CSMD1: variants seen among roughly 807,000 people sequenced by gnomAD.
The protein encoded by CSMD1 is CUB and sushi domain-containing protein 1.
Under a neutral mutation model 417.5 loss-of-function variants are expected in CSMD1, and 213 were observed. The ratio of observed to expected loss-of-function variants is 0.51; its 90% CI spans 0.46 to 0.57. The LOEUF (loss-of-function observed/expected upper bound fraction) is 0.57. CSMD1 is among the 20% of genes least tolerant of loss of function. CSMD1 has a pLI of 0.00. For missense variants in CSMD1, 6,923 were observed against 4,529.7 expected (o/e 1.53, Z -15.17); for synonymous variants, 2,862 against 1,736.8 (o/e 1.65, Z -16.11).
chr8:3,358,861 G>A (rs71521849), intron 21 of CSMD1, among the ~76,000 whole-genome samples: 41,525 of 150,128 alleles, frequency 0.28, 5,923 homozygotes, highest in African/African-American at 0.37. Context: ...CTCTCTCTCC[G>A]TATATATATA....
intron 6 of CSMD1, among the ~76,000 whole-genome samples, chr8:3,726,981 C>T (rs1414921398): frequency 6.6e-6 from 1 of 152,118 alleles, no homozygotes; most frequent in East Asian, 1.9e-4. Flanking sequence ...ATACATACCA[C>T]CAGTAAACAC....
At chr8:4,251,892 G>C (rs1372692517) in intron 3 of CSMD1, among the ~76,000 whole-genome samples, 1 of 149,922 alleles carries the variant, frequency 6.7e-6, no homozygotes, top group Non-Finnish European at 1.5e-5. Context: ...GGGGAAGGGA[G>C]GGGAGGGGAG....
intron 1 of CSMD1, among the ~76,000 whole-genome samples, chr8:4,889,796 C>T (rs937051348): frequency 6.6e-6 from 1 of 152,092 alleles, no homozygotes; most frequent in Non-Finnish European, 1.5e-5. Flanking sequence ...TGAGGGCCTA[C>T]TATGTTGAAA....
chr8:3,295,655 C>T (rs1273892454), intron 25 of CSMD1, among the ~76,000 whole-genome samples: 1 of 152,124 alleles, frequency 6.6e-6, no homozygotes, highest in Non-Finnish European at 1.5e-5. Context: ...AACTCGCTCT[C>T]CCTTGGGATT....
chr8:3,167,772 C>G (rs370713856), intron 37 of CSMD1, among the ~76,000 whole-genome samples: 2 of 152,152 alleles, frequency 1.3e-5, no homozygotes, highest in African/African-American at 4.8e-5. Flanking sequence ...GATCATAAAA[C>G]GTGAGCATTA....
At chr8:4,192,890 A>T (rs1352656001) in intron 3 of CSMD1, among the ~76,000 whole-genome samples, 1 of 152,168 alleles carries the variant, frequency 6.6e-6, no homozygotes, top group South Asian at 2.1e-4. Context: ...TGATTCCATA[A>T]GTCACACCTT....
intron 1 of CSMD1, among the ~76,000 whole-genome samples, chr8:4,841,658 C>A (rs936101423): frequency 2.6e-5 from 4 of 151,988 alleles, no homozygotes; most frequent in Non-Finnish European, 4.4e-5. Flanking sequence ...CGCCTGTAAT[C>A]CCAGCCGTTT....
chr8:4,611,750 C>T (rs1335850086), intron 2 of CSMD1, among the ~76,000 whole-genome samples: 1 of 152,102 alleles, frequency 6.6e-6, no homozygotes, highest in Non-Finnish European at 1.5e-5. Flanking sequence ...ATTTGTGAGT[C>T]ATCTATTCAA....
intron 1 of CSMD1, among the ~76,000 whole-genome samples, chr8:4,644,662 G>A (rs1411861790): frequency 1.3e-5 from 2 of 152,220 alleles, no homozygotes; most frequent in African/African-American, 2.4e-5. Flanking sequence ...CCTCGCCTCA[G>A]CCTCCCAAAG....
chr8:4,030,507 A>G (rs1797287800), intron 4 of CSMD1, among the ~76,000 whole-genome samples: 3 of 152,124 alleles, frequency 2.0e-5, no homozygotes, highest in African/African-American at 7.2e-5. Flanking sequence ...GCTGGGATGC[A>G]GGGCACCAAG....
At chr8:3,414,390 A>G (rs1040890068) in intron 12 of CSMD1, among the ~76,000 whole-genome samples, 1 of 152,016 alleles carries the variant, frequency 6.6e-6, no homozygotes, top group Non-Finnish European at 1.5e-5. Context: ...TCCCCAAAAT[A>G]CATCACACAG....
At chr8:3,708,022 A>G (rs1188914005) in intron 7 of CSMD1, among the ~76,000 whole-genome samples, 1 of 152,230 alleles carries the variant, frequency 6.6e-6, no homozygotes, top group Non-Finnish European at 1.5e-5. Context: ...ATGGTCAATA[A>G]TATTTCAATA....
chr8:4,071,622 T>C (rs1799563062), intron 3 of CSMD1, among the ~76,000 whole-genome samples: 1 of 152,222 alleles, frequency 6.6e-6, no homozygotes, highest in African/African-American at 2.4e-5. Flanking sequence ...TAGTTTTTAA[T>C]TCTTTATTTT....
At chr8:4,078,659 T>C (rs1799958270) in intron 3 of CSMD1, among the ~76,000 whole-genome samples, 1 of 151,402 alleles carries the variant, frequency 6.6e-6, no homozygotes, top group Non-Finnish European at 1.5e-5. Context: ...TAACTATCCT[T>C]TTGAGAAAAA....
chr8:4,994,666 G>A lies in CSMD1; in HGVS notation c.-250C>T, dbSNP rs886786432. ...GGAGACCCGGGCTGGCGGGGCCGGG[G>A]CCGGGGACGAGCGCCGGCCGAGCCG... On this transcript the variant is annotated 5_prime_UTR_variant, in exon 1 of 70. Coordinates refer to ENST00000635120, the MANE Select transcript of CSMD1 (RefSeq NM_033225.6). The A allele has an allele frequency of 4.6e-6, 2 of 432,576 alleles. No individual in the cohort carries two copies. Among genetic ancestry groups the A allele is most frequent in the African/African-American group, 2.1e-5 (1 of 47,650 alleles). 26.8% of individuals were successfully genotyped at this position (432,576 alleles called of 1,614,324 possible). A position where few individuals can be genotyped will look rare whatever the true frequency, so the allele number is the denominator to read the frequency against.
intron 26 of CSMD1, among the ~76,000 whole-genome samples, chr8:3,279,616 C>G (rs1042698732): frequency 2.0e-5 from 3 of 152,002 alleles, no homozygotes; most frequent in African/African-American, 7.3e-5. Context: ...TCTCATGCAG[C>G]TAATAAAAAC....
At chr8:4,138,636 C>G (rs530014320) in intron 3 of CSMD1, among the ~76,000 whole-genome samples, 5 of 147,224 alleles carry the variant, frequency 3.4e-5, no homozygotes, top group Non-Finnish European at 7.6e-5. Context: ...GAAAAAACAT[C>G]TCTTAAGGTT....
At chr8:3,268,561 C>T (rs1204146511) in intron 26 of CSMD1, among the ~76,000 whole-genome samples, 1 of 152,038 alleles carries the variant, frequency 6.6e-6, no homozygotes, top group Non-Finnish European at 1.5e-5. Context: ...GCTGGGATTA[C>T]AGGCGTGAGC....
At chr8:4,243,470 A>C (rs1252522801) in intron 3 of CSMD1, among the ~76,000 whole-genome samples, 1 of 152,156 alleles carries the variant, frequency 6.6e-6, no homozygotes, top group Non-Finnish European at 1.5e-5. Flanking sequence ...GCTTCTAGCC[A>C]GTATGTCTAC....
Sources: gnomAD v4.1 joint callset for allele counts (sites outside exome capture counted in the v4.1 genomes callset) on GRCh38, gnomAD v4.1.1 for gene constraint, MANE v1.5 for transcripts, NCBI Gene and HGNC (gene_info 2026-07-23, HGNC 2026-07-21) for gene names.